The following CACNG5 variants were observed in gnomAD, a reference collection of about 807,000 sequenced individuals.
The protein encoded by CACNG5 is voltage-dependent calcium channel gamma-5 subunit.
In CACNG5, 18 loss-of-function variants were observed where a neutral mutation model predicts 24.8. The ratio of observed to expected loss-of-function variants is 0.73; its 90% confidence interval spans 0.50 to 1.08. The LOEUF is 1.08. CACNG5 is among the 50% of genes least tolerant of loss of function. The pLI is 0.00. For synonymous variants in CACNG5, 157 were observed against 149.1 expected (o/e 1.05, Z -0.39); for missense variants, 349 against 367.9 (o/e 0.95, Z 0.42).
At chr17:66,837,421 G>A (rs1169467619) in intron 1 of CACNG5, among the ~76,000 whole-genome samples, 2 of 152,194 alleles carry the variant, frequency 1.3e-5, no homozygotes, top group African/African-American at 4.8e-5. Flanking sequence ...CGAGCCATTG[G>A]TGTCCTGGGC....
chr17:66,877,110 G>A, intron 1 of CACNG5, 120 bp from the exon 2 acceptor site: 2 of 523,396 alleles, frequency 3.8e-6, no homozygotes, highest in East Asian at 3.1e-5. Context: ...GTTAGGGGGA[G>A]GGTGGCACCT....
Position 66,893,269 on chromosome 17 carries a change from CAT to C in CACNG5, c.*8030_*8031del. Among the ~76,000 whole-genome samples the C allele has an allele frequency of 6.6e-6, 1 of 152,144 alleles. No individual in the cohort carries two copies. Among genetic ancestry groups the C allele is most frequent in the Non-Finnish European group, 1.5e-5 (1 of 68,040 alleles). On this transcript the variant is annotated 3_prime_UTR_variant, in exon 6 of 6. Coordinates refer to ENST00000533854, the MANE Select transcript of CACNG5 (RefSeq NM_145811.3). ...TAATCAGAGAAATAATCCAGGTTCC[CAT>C]CCAAAGATAAATGGGGGAAGGAAAG... is the stretch of plus-strand genomic sequence containing the variant.
At chr17:66,868,702 G>C (rs1326684215) in intron 1 of CACNG5, among the ~76,000 whole-genome samples, 2 of 152,164 alleles carry the variant, frequency 1.3e-5, no homozygotes, top group African/African-American at 4.8e-5. Context: ...CTGAGTCCCT[G>C]CTGTGCTTGA....
At chr17:66,870,766 G>A (rs1235019723) in intron 1 of CACNG5, among the ~76,000 whole-genome samples, 1 of 152,154 alleles carries the variant, frequency 6.6e-6, no homozygotes, top group East Asian at 1.9e-4. Flanking sequence ...ATCACTTGAG[G>A]TCAGGAGTTC....
chr17:66,885,526 TC>T lies in CACNG5; in HGVS notation c.*292del. 2.4e-6 allele frequency: 1 copy of T among 417,046 alleles called. No homozygotes were observed. The highest frequency in any genetic ancestry group is 4.3e-6 in the Non-Finnish European group (1 of 233,620). 25.8% of individuals were successfully genotyped at this position (417,046 alleles called of 1,614,324 possible). ...GCAGTGGCTCCAGGAAGCCAGCAGCTCCCCCCAAGCCCAGGAGACACCGATG... is the reference window on the plus strand; with the variant it reads ...GCAGTGGCTCCAGGAAGCCAGCAGCTCCCCCAAGCCCAGGAGACACCGATG... On this transcript the variant is annotated 3_prime_UTR_variant, in exon 6 of 6. Coordinates refer to ENST00000533854, the MANE Select transcript of CACNG5 (RefSeq NM_145811.3).
At chr17:66,874,867 C>T (rs1977053835) in intron 1 of CACNG5, among the ~76,000 whole-genome samples, 1 of 152,204 alleles carries the variant, frequency 6.6e-6, no homozygotes, top group Non-Finnish European at 1.5e-5. Flanking sequence ...TCCTGCTAAC[C>T]ATCCTTGGTG....
At chr17:66,881,375 A>G (rs1412011073) in intron 4 of CACNG5, among the ~76,000 whole-genome samples, 3 of 152,088 alleles carry the variant, frequency 2.0e-5, no homozygotes, top group Non-Finnish European at 4.4e-5. Flanking sequence ...ATTAAACACA[A>G]TCTGCCTTTG....
chr17:66,868,149 C>A (rs369801759), intron 1 of CACNG5, among the ~76,000 whole-genome samples: 163 of 152,300 alleles, frequency 1.1e-3, no homozygotes, highest in African/African-American at 3.7e-3. Flanking sequence ...TGGACTTCTT[C>A]TTTTGTTAAG....
intron 2 of CACNG5, 76 bp from the exon 3 acceptor site, chr17:66,878,895 TG>T (rs1212053391): frequency 8.1e-7 from 1 of 1,229,688 alleles, no homozygotes; most frequent in African/African-American, 1.5e-5. Context: ...AAAACACACT[TG>T]GAAATACCAT....
chr17:66,882,883 G>A (rs1039492366), intron 4 of CACNG5, among the ~76,000 whole-genome samples: 4 of 151,982 alleles, frequency 2.6e-5, no homozygotes, highest in African/African-American at 9.7e-5. Flanking sequence ...CGTAGCTTGG[G>A]AGCCAGGTGG....
rs144101002 is a variant in CACNG5 at position 66,879,045 on chromosome 17, G to A, written c.270G>A (p.Thr90=). 3.0e-5 allele frequency: 48 copies of A among 1,613,766 alleles called. No individual in the cohort carries two copies. In the African/African-American group the frequency reaches 4.1e-4, roughly 14 times the overall value. ...ACACCCAGCTGACATCCGAGTCCAC[G>A]GTCAATGTTCTAAGTAAGTGCCTTG... is the stretch of plus-strand genomic sequence containing the variant. ...PMNTQLTSES[T]VNVLKMIRSA... is the part of the protein sequence containing the mutation. The change falls in exon 3 of 6, where the codon ACG becomes ACA. Residue 90 remains threonine, a synonymous_variant. Coordinates refer to ENST00000533854, the MANE Select transcript of CACNG5 (RefSeq NM_145811.3).
intron 1 of CACNG5, among the ~76,000 whole-genome samples, chr17:66,865,930 C>T (rs546029715): frequency 6.6e-6 from 1 of 151,790 alleles, no homozygotes; most frequent in Non-Finnish European, 1.5e-5. Context: ...CATGAGCCAC[C>T]GCACCCGGCC....
At chr17:66,879,776 T>C (rs1977132298) in intron 3 of CACNG5, among the ~76,000 whole-genome samples, 1 of 152,196 alleles carries the variant, frequency 6.6e-6, no homozygotes, top group South Asian at 2.1e-4. Context: ...CAACTGAGCT[T>C]TGGTGTCCAG....
chr17:66,853,075 C>T (rs1976727509), intron 1 of CACNG5, among the ~76,000 whole-genome samples: 1 of 152,140 alleles, frequency 6.6e-6, no homozygotes, highest in African/African-American at 2.4e-5. Flanking sequence ...AATCCTCTCA[C>T]CCTGGCTTCC....
chr17:66,878,286 G>C, intron 2 of CACNG5, among the ~76,000 whole-genome samples: 2 of 152,338 alleles, frequency 1.3e-5, no homozygotes, highest in Admixed American at 1.3e-4. Context: ...GCCACAGTGT[G>C]GTCACTGGGC....
chr17:66,870,669 T>C (rs1976993368), intron 1 of CACNG5, among the ~76,000 whole-genome samples: 1 of 152,144 alleles, frequency 6.6e-6, no homozygotes, highest in African/African-American at 2.4e-5. Flanking sequence ...ACATCTCCTC[T>C]TGTGACCCAG....
intron 1 of CACNG5, among the ~76,000 whole-genome samples, chr17:66,857,118 G>T (rs1976791944): frequency 7.9e-6 from 1 of 127,320 alleles, no homozygotes; most frequent in Admixed American, 1.0e-4. Flanking sequence ...CACCCAGGCT[G>T]GAGTGCAGGG....
At position 66,889,506 on chromosome 17, in the gene CACNG5, A is replaced by C. The variant is rs1404481466; in HGVS notation, c.*4266A>C. Among the ~76,000 whole-genome samples the C allele has an allele frequency of 6.6e-6, 1 of 152,242 alleles. No individual in the cohort carries two copies. The highest frequency in any genetic ancestry group is 1.5e-5 in the Non-Finnish European group (1 of 68,052). ...TACAGGTGGTCTATCAGGGTTCTCCAGAAAAACAGAATCAACAGGATGAAT... is the reference window on the plus strand; with the variant it reads ...TACAGGTGGTCTATCAGGGTTCTCCCGAAAAACAGAATCAACAGGATGAAT... On this transcript the variant is annotated 3_prime_UTR_variant, in exon 6 of 6. Coordinates refer to ENST00000533854, the MANE Select transcript of CACNG5 (RefSeq NM_145811.3).
intron 1 of CACNG5, among the ~76,000 whole-genome samples, chr17:66,838,960 C>CTTT (rs71160595): frequency 0.33 from 29,380 of 87,850 alleles, 6,922 homozygotes; most frequent in South Asian, 0.41. Flanking sequence ...CTCACCCATT[C>CTTT]TTTTTTTTTT....
Sources: allele counts gnomAD v4.1 joint callset (sites outside exome capture counted in the v4.1 genomes callset), GRCh38; gene constraint gnomAD v4.1.1; transcripts MANE v1.5; gene names NCBI Gene and HGNC (gene_info 2026-07-23, HGNC 2026-07-21).